The following YBX1 variants were observed in gnomAD, a reference collection of about 807,000 sequenced individuals.
YBX1 encodes the protein Y-box binding protein 1.
A neutral mutation model predicts 41.4 loss-of-function variants in YBX1; 3 were observed. The ratio of observed to expected loss-of-function variants is 0.07; its 90% confidence interval spans 0.03 to 0.19. YBX1 has a LOEUF of 0.19. YBX1 is among the 10% of genes least tolerant of loss of function. YBX1 has a pLI of 1.00. For synonymous variants in YBX1, 133 were observed against 165.8 expected, an observed-to-expected ratio of 0.80 and a Z score of 1.52; for missense variants, 274 against 462.8, an observed-to-expected ratio of 0.59 and a Z score of 3.74.
In YBX1 at chr1:42,703,121, G is replaced by T. The variant is rs891451260; in HGVS notation, c.*1172G>T. Among the ~76,000 whole-genome samples the T allele has an allele frequency of 6.6e-6, 1 of 152,064 alleles. No individual in the cohort carries two copies. Among genetic ancestry groups the T allele is most frequent in the African/African-American group, 2.4e-5 (1 of 41,404 alleles). On this transcript the variant is annotated 3_prime_UTR_variant, in exon 8 of 8. Coordinates refer to ENST00000321358, the MANE Select transcript of YBX1 (RefSeq NM_004559.5). ...TTGTATTTTTAATAGAGATGGGGTT[G>T]CACTGTGTTAGCCAGGATGGTCTTG... is the stretch of plus-strand genomic sequence containing the variant.
chr1:42,684,698 G>A (rs769002035), intron 2 of YBX1, among the ~76,000 whole-genome samples: 2 of 152,124 alleles, frequency 1.3e-5, no homozygotes, highest in Non-Finnish European at 2.9e-5. Context: ...TTGCTTTCCT[G>A]GCTGGCCGAA....
At chr1:42,686,461 T>A (rs1650199493) in intron 2 of YBX1, among the ~76,000 whole-genome samples, 1 of 152,226 alleles carries the variant, frequency 6.6e-6, no homozygotes, top group African/African-American at 2.4e-5. Flanking sequence ...CCTGGCCATA[T>A]TGTCACCACA....
chr1:42,693,228 C>T (rs1477798246), intron 2 of YBX1, among the ~76,000 whole-genome samples: 1 of 151,856 alleles, frequency 6.6e-6, no homozygotes, highest in African/African-American at 2.4e-5. Context: ...GTCATTGCTA[C>T]CCTCTTAATT....
chr1:42,687,984 A>G (rs541536545), intron 2 of YBX1, among the ~76,000 whole-genome samples: 295 of 152,316 alleles, frequency 1.9e-3, no homozygotes, highest in Middle Eastern at 3.4e-3. Flanking sequence ...ACAAACATCA[A>G]TGACATGTAT....
rs770073060 is a variant in YBX1 at position 42,683,193 on chromosome 1, C to T, written c.167-210C>T. On this transcript the variant is annotated intron_variant, in intron 1 of 7. Coordinates refer to ENST00000321358, the MANE Select transcript of YBX1 (RefSeq NM_004559.5). ...CACACCCATCCTGGGGCCCGCGCCC[C>T]GGGCCTGCCCTGGAGCGCCCCGCGC... is the stretch of plus-strand genomic sequence containing the variant. 6.2e-5 allele frequency: 42 copies of T among 673,558 alleles called. 1 individual carries two copies. The highest frequency in any genetic ancestry group is 4.7e-4 in the South Asian group (29 of 62,164). The allele number at this position is 673,558 out of a possible 1,614,324, so 41.7% of individuals were successfully genotyped here.
chr1:42,696,351 A>G lies in YBX1; in HGVS notation c.354+63A>G, dbSNP rs543708949. ...TGGAAATATTTTGGAGGTCTCATCC[A>G]TTAGGATGGTGGCTCTAATGTGGAT... On this transcript the variant is annotated intron_variant, in intron 4 of 7. Coordinates refer to ENST00000321358, the MANE Select transcript of YBX1 (RefSeq NM_004559.5). The surrounding 1 kb of genome is among the most constrained non-coding windows in gnomAD (Gnocchi z 5.7). The G allele has an allele frequency of 5.9e-6, 9 of 1,524,008 alleles. No individual in the cohort carries two copies. Among genetic ancestry groups the G allele is most frequent in the East Asian group, 2.3e-5 (1 of 44,390 alleles). The allele number at this position is 1,524,008 out of a possible 1,614,324, so 94.4% of individuals were successfully genotyped here. A position where few individuals can be genotyped will look rare whatever the true frequency, so the allele number is the denominator to read the frequency against.
At chr1:42,698,237 A>G (rs1270724973) in intron 6 of YBX1, among the ~76,000 whole-genome samples, 1 of 152,246 alleles carries the variant, frequency 6.6e-6, no homozygotes, top group Non-Finnish European at 1.5e-5. Flanking sequence ...TCGAGGTTGT[A>G]TTACATGTAT....
chr1:42,685,178 T>A (rs1650163871), intron 2 of YBX1, among the ~76,000 whole-genome samples: 2 of 152,226 alleles, frequency 1.3e-5, no homozygotes, highest in Non-Finnish European at 2.9e-5. Context: ...GTTATGACAT[T>A]TTTTGAAATC....
chr1:42,685,354 C>T (rs1312762934), intron 2 of YBX1, among the ~76,000 whole-genome samples: 6 of 152,160 alleles, frequency 3.9e-5, no homozygotes, highest in Non-Finnish European at 8.8e-5. Context: ...TTGGACTATC[C>T]TAACCTCAAT....
At position 42,696,550 on chromosome 1, in the gene YBX1, TGC is replaced by T; in HGVS notation, c.355-91_355-90del. On this transcript the variant is annotated intron_variant, in intron 4 of 7. Transcript: ENST00000321358. The surrounding 1 kb of genome is among the most constrained non-coding windows in gnomAD (Gnocchi z 5.7). Reference sequence around the variant, plus strand: ...TTTTTTCCTTAACTTTGTTGTTTTTTGCTTTGTTTGAAAATGTTCTGATTTCC... The same window carrying T: ...TTTTTTCCTTAACTTTGTTGTTTTTTTTTGTTTGAAAATGTTCTGATTTCC... 1.0e-6 allele frequency: 1 copy of T among 985,484 alleles called. No homozygotes were observed. 61.0% of individuals were successfully genotyped at this position (985,484 alleles called of 1,614,324 possible). A position where few individuals can be genotyped will look rare whatever the true frequency, so the allele number is the denominator to read the frequency against.
At chr1:42,700,594 T>A (rs1284678293) in intron 6 of YBX1, among the ~76,000 whole-genome samples, 187 bp from the exon 7 acceptor site, 1 of 113,688 alleles carries the variant, frequency 8.8e-6, no homozygotes, top group Non-Finnish European at 1.8e-5. Flanking sequence ...GCAAGACTCT[T>A]CCCCCTACTC....
At position 42,696,520 on chromosome 1, in the gene YBX1, C is replaced by T. The variant is rs1376431306; in HGVS notation, c.355-122C>T. The T allele has an allele frequency of 8.2e-6, 6 of 735,624 alleles. No individual in the cohort carries two copies. Among genetic ancestry groups the T allele is most frequent in the African/African-American group, 3.6e-5 (2 of 56,224 alleles). 45.6% of individuals were successfully genotyped at this position (735,624 alleles called of 1,614,324 possible). A position where few individuals can be genotyped will look rare whatever the true frequency, so the allele number is the denominator to read the frequency against. On this transcript the variant is annotated intron_variant, in intron 4 of 7. Coordinates refer to ENST00000321358, the MANE Select transcript of YBX1 (RefSeq NM_004559.5). The surrounding 1 kb of genome is among the most constrained non-coding windows in gnomAD (Gnocchi z 5.7). ...CTGGTCACGCAGTTGCGCCCCCCCC[C>T]CCTTTTTTTTCCTTAACTTTGTTGT...
chr1:42,683,049 T>A (rs2148733854), intron 1 of YBX1: 1 of 427,516 alleles, frequency 2.3e-6, no homozygotes, highest in East Asian at 1.0e-4. Flanking sequence ...CGCACGCCGT[T>A]GTTCGCGTCA....
Position 42,695,366 on chromosome 1 carries a change from G to A in YBX1, c.265-833G>A, listed in dbSNP as rs118079693. ...GAGACCCAATACCTGGGTTTAGAAAGTCTCCTTACTAACTGTGTGACCTTG... is the reference window on the plus strand; with the variant it reads ...GAGACCCAATACCTGGGTTTAGAAAATCTCCTTACTAACTGTGTGACCTTG... On this transcript the variant is annotated intron_variant, in intron 3 of 7. Coordinates refer to ENST00000321358, the MANE Select transcript of YBX1 (RefSeq NM_004559.5). 1.0e-3 allele frequency among the ~76,000 whole-genome samples: 155 copies of A among 152,286 alleles called. 1 individual carries two copies. The East Asian group carries it at 0.016, about 16-fold the overall frequency.
At chr1:42,683,375 G>A (rs1650108527) in intron 1 of YBX1, 28 bp from the exon 2 acceptor site, 1 of 1,613,988 alleles carries the variant, frequency 6.2e-7, no homozygotes, top group Non-Finnish European at 8.5e-7. Flanking sequence ...GGTAATCGTG[G>A]CTTGTTTTGC....
intron 3 of YBX1, among the ~76,000 whole-genome samples, chr1:42,695,379 C>T (rs1374045903): frequency 1.3e-5 from 2 of 152,230 alleles, no homozygotes; most frequent in Admixed American, 6.5e-5. Flanking sequence ...TCCTTACTAA[C>T]TGTGTGACCT....
intron 2 of YBX1, among the ~76,000 whole-genome samples, chr1:42,688,523 G>A (rs1570416963): frequency 6.6e-6 from 1 of 152,276 alleles, no homozygotes; most frequent in East Asian, 1.9e-4. Context: ...ATAATATGTA[G>A]CCACTGCCTA....
At chr1:42,684,440 G>T (rs1225205215) in intron 2 of YBX1, among the ~76,000 whole-genome samples, 2 of 152,218 alleles carry the variant, frequency 1.3e-5, no homozygotes, top group African/African-American at 4.8e-5. Flanking sequence ...TGTCTTGCTT[G>T]CTTACTGTAG....
intron 1 of YBX1, chr1:42,683,083 T>A: frequency 1.9e-6 from 1 of 517,738 alleles, no homozygotes; most frequent in Non-Finnish European, 3.6e-6. Context: ...CCCTTCCGCG[T>A]GTGCTCGGAG....
Sources: gnomAD v4.1 joint callset for allele counts (sites outside exome capture counted in the v4.1 genomes callset) on GRCh38, gnomAD v4.1.1 for gene constraint, Gnocchi (gnomAD v3.1) non-coding constraint, MANE v1.5 for transcripts, NCBI Gene and HGNC (gene_info 2026-07-23, HGNC 2026-07-21) for gene names.